Variants in ASF1B observed in about 807,000 individuals in gnomAD.
ASF1B encodes histone chaperone ASF1B.
Under a neutral mutation model 16.6 loss-of-function variants are expected in ASF1B, and 10 were observed. The ratio of observed to expected loss-of-function variants is 0.60; its 90% CI spans 0.37 to 1.02. The LOEUF is 1.02. Among genes scored for constraint, ASF1B ranks in the 50% least tolerant of loss-of-function variants. ASF1B has a pLI of 0.01. For synonymous variants in ASF1B, 101 were observed against 106.2 expected (o/e 0.95, Z 0.30); for missense variants, 240 against 266.0 (o/e 0.90, Z 0.68).
At chr19:14,135,692 C>T (rs931625204) in intron 1 of ASF1B, among the ~76,000 whole-genome samples, 8 of 151,720 alleles carry the variant, frequency 5.3e-5, no homozygotes, top group Non-Finnish European at 1.0e-4. Context: ...GTCTTCACGG[C>T]AAGGAGAGAG....
intron 1 of ASF1B, among the ~76,000 whole-genome samples, chr19:14,131,655 T>C (rs1568546348): frequency 6.6e-6 from 1 of 151,888 alleles, no homozygotes; most frequent in Non-Finnish European, 1.5e-5. Flanking sequence ...GCTAATTTTT[T>C]GTATTTTTAG....
intron 3 of ASF1B, 83 bp from the exon 4 acceptor site, chr19:14,120,748 T>TC: frequency 7.3e-7 from 1 of 1,362,298 alleles, no homozygotes; most frequent in Non-Finnish European, 1.0e-6. Context: ...CAATCACCCA[T>TC]CTCAAGCCCA....
chr19:14,134,310 T>C (rs540997020), intron 1 of ASF1B, among the ~76,000 whole-genome samples: 56 of 152,184 alleles, frequency 3.7e-4, no homozygotes, highest in Admixed American at 2.6e-3. Flanking sequence ...CGGCATATTC[T>C]ATAGTTAGCC....
intron 2 of ASF1B, among the ~76,000 whole-genome samples, chr19:14,124,845 G>C (rs1049559955): frequency 2.0e-5 from 3 of 152,220 alleles, no homozygotes; most frequent in Admixed American, 2.0e-4. Context: ...CTGAAGTGCA[G>C]TGTAGGATAC....
intron 2 of ASF1B, among the ~76,000 whole-genome samples, chr19:14,123,880 C>T (rs573508472): frequency 6.6e-6 from 1 of 151,484 alleles, no homozygotes; most frequent in African/African-American, 2.4e-5. Context: ...AACTTCCGCC[C>T]CCTGGATTCA....
rs1374549979 is a variant in ASF1B, at chr19:14,120,350, C to A, written c.*109G>T. ...TTTCCTAGGGGCTGAGTTTGACAGA[C>A]CTGGATTGCAGCTGATGGCCCCCAA... On this transcript the variant is annotated 3_prime_UTR_variant, in exon 4 of 4. Coordinates refer to ENST00000263382, the MANE Select transcript of ASF1B (RefSeq NM_018154.3). The A allele has an allele frequency of 1.1e-5, 12 of 1,097,742 alleles. No homozygotes were observed. The highest frequency in any genetic ancestry group is 1.6e-5 in the Non-Finnish European group (12 of 759,268). 68.0% of individuals were successfully genotyped at this position (1,097,742 alleles called of 1,614,324 possible).
chr19:14,129,496 G>A (rs571511925), intron 1 of ASF1B, among the ~76,000 whole-genome samples: 1 of 151,582 alleles, frequency 6.6e-6, no homozygotes, highest in Non-Finnish European at 1.5e-5. Context: ...GGGCAACATG[G>A]TGAAACCCCA....
intron 1 of ASF1B, among the ~76,000 whole-genome samples, chr19:14,133,320 C>T (rs1405343523): frequency 1.3e-5 from 2 of 152,206 alleles, no homozygotes; most frequent in East Asian, 1.9e-4. Flanking sequence ...AGTGCCAATA[C>T]TTCTACAAAC....
intron 1 of ASF1B, among the ~76,000 whole-genome samples, chr19:14,129,002 A>G (rs1967358491): frequency 6.6e-6 from 1 of 152,244 alleles, no homozygotes; most frequent in Non-Finnish European, 1.5e-5. Context: ...AGCTGAGGTC[A>G]ATACTAATCG....
intron 1 of ASF1B, among the ~76,000 whole-genome samples, chr19:14,134,000 T>G (rs1339769565): frequency 6.6e-6 from 1 of 151,808 alleles, no homozygotes; most frequent in Non-Finnish European, 1.5e-5. Flanking sequence ...GAGACGGGGT[T>G]TCACCGTGTT....
In ASF1B at chr19:14,120,462, G is replaced by A. The variant is rs769237306; in HGVS notation, c.606C>T (p.Ile202=). ...GLLPENSMDC[I] ...GGGACACTCTGGGTTCCTGCAGTTAGATGCAGTCCATGGAGTTCTCAGGGA... is the reference window on the plus strand; with the variant it reads ...GGGACACTCTGGGTTCCTGCAGTTAAATGCAGTCCATGGAGTTCTCAGGGA... The change falls in exon 4 of 4, where the codon ATC becomes ATT. Residue 202 remains isoleucine, a synonymous_variant. Transcript: ENST00000263382. The A allele has an allele frequency of 3.7e-6, 6 of 1,612,242 alleles. No homozygotes were observed. The African/African-American group carries it at 5.3e-5, about 14-fold the overall frequency.
Position 14,136,511 on chromosome 19 carries a change from C to T in ASF1B, c.-55G>A. 4 of 1,542,808 alleles carry T rather than the reference C, an allele frequency of 2.6e-6. No individual in the cohort carries two copies. The highest frequency in any genetic ancestry group is 3.5e-6 in the Non-Finnish European group (4 of 1,127,248). ...CAGGGGCTGTGGCTGTGGCGGAGGC[C>T]GCGCCTGGGTCCGGTGGGGTCAGTG... On this transcript the variant is annotated 5_prime_UTR_variant, in exon 1 of 4. Transcript: ENST00000263382.
At chr19:14,131,706 A>C (rs1323212143) in intron 1 of ASF1B, among the ~76,000 whole-genome samples, 1 of 150,048 alleles carries the variant, frequency 6.7e-6, no homozygotes, top group Non-Finnish European at 1.5e-5. Context: ...CTGGTCTCGA[A>C]CTTCTGACCT....
At chr19:14,133,797 ATTTTTT>A (rs34122923) in intron 1 of ASF1B, among the ~76,000 whole-genome samples, 1 of 98,858 alleles carries the variant, frequency 1.0e-5, no homozygotes, top group Non-Finnish European at 1.9e-5. Flanking sequence ...CCGCACAACC[ATTTTTT>A]TTTTTTTTTT....
chr19:14,130,783 G>T (rs1361069062), intron 1 of ASF1B, among the ~76,000 whole-genome samples: 1 of 119,144 alleles, frequency 8.4e-6, no homozygotes, highest in Non-Finnish European at 1.7e-5. Context: ...CTGTGTGTTT[G>T]TGTGTATATA....
In ASF1B at chr19:14,120,658, C is replaced by T. The variant is rs745397948; in HGVS notation, c.410G>A (p.Arg137Gln). 55 of 1,613,896 alleles carry T rather than the reference C, an allele frequency of 3.4e-5. No homozygotes were observed. The highest frequency in any genetic ancestry group is 4.4e-5 in the Non-Finnish European group (52 of 1,179,996). ...PMKPDFSQLQ[R>Q]NILASNPRVT... The stretch of plus-strand genomic sequence containing the variant: ...CCGGGGGTTCGAGGCCAAGATGTTC[C>T]GCTGGAGCTGGGGCAGGAAGAGGAA... The change falls in exon 4 of 4, where the codon CGG becomes CAG. Residue 137 changes from arginine (R) to glutamine (Q), a missense_variant. Arg to Gln is a conservative substitution (Grantham distance 43). Transcript: ENST00000263382.
At position 14,136,473 on chromosome 19, in the gene ASF1B, G is replaced by A. The variant is rs1057116974; in HGVS notation, c.-17C>T. ...CTTGGCCATCGCCTCGCCTCGCCGC[G>A]CCGCAGCAGGGGCAGGGGCTGTGGC... On this transcript the variant is annotated 5_prime_UTR_variant, in exon 1 of 4. Transcript: ENST00000263382. The A allele has an allele frequency of 9.3e-6, 15 of 1,609,726 alleles. No individual in the cohort carries two copies. The highest frequency in any genetic ancestry group is 1.3e-5 in the Non-Finnish European group (15 of 1,177,272).
chr19:14,133,496 C>T (rs922330878), intron 1 of ASF1B, among the ~76,000 whole-genome samples: 3 of 151,962 alleles, frequency 2.0e-5, no homozygotes, highest in African/African-American at 7.2e-5. Flanking sequence ...GGTGAAACCC[C>T]GTCTCTACTA....
rs75627293 is a variant in ASF1B at position 14,121,541 on chromosome 19, A to T, written c.393T>A (p.Asp131Glu). Reference sequence around the variant, plus strand: ...TGGAAACAGGCCCCACCTGGGAGAAATCTGGCTTCATGGGCGGGTTCTCAC... The same window carrying T: ...TGGAAACAGGCCCCACCTGGGAGAATTCTGGCTTCATGGGCGGGTTCTCAC... ...ELRENPPMKP[D>E]FSQLQRNILA... The change falls in exon 3 of 4, where the codon GAT becomes GAA. Residue 131 changes from aspartate to glutamate, a missense_variant. Coordinates refer to ENST00000263382, the MANE Select transcript of ASF1B (RefSeq NM_018154.3). 3.0e-5 allele frequency: 48 copies of T among 1,613,482 alleles called. No individual in the cohort carries two copies. Among genetic ancestry groups the T allele is most frequent in the Non-Finnish European group, 4.1e-5 (48 of 1,179,618 alleles).
Sources: gnomAD v4.1 joint callset for allele counts (sites outside exome capture counted in the v4.1 genomes callset) on GRCh38, gnomAD v4.1.1 for gene constraint, MANE v1.5 for transcripts, NCBI Gene and HGNC (gene_info 2026-07-23, HGNC 2026-07-21) for gene names.